Variants in ZBTB45 observed in about 807,000 individuals in gnomAD.
The protein encoded by ZBTB45 is zinc finger and BTB domain containing 45.
In ZBTB45, 22 loss-of-function variants were observed where a neutral mutation model predicts 28.4. The observed-to-expected ratio is 0.77, with a 90% CI of 0.55 to 1.10. The LOEUF is 1.10. Ranked by LOEUF, ZBTB45 falls within the 50% of genes least tolerant of loss-of-function variation. The pLI is 0.00. For synonymous variants in ZBTB45, 361 were observed against 332.3 expected (o/e 1.09, Z -0.94); for missense variants, 656 against 750.2 (o/e 0.87, Z 1.47).
At chr19:58,514,451 TATC>T in intron 2 of ZBTB45, 141 bp from the exon 3 acceptor site, 1 of 1,072,452 alleles carries the variant, frequency 9.3e-7, no homozygotes, top group Non-Finnish European at 1.3e-6. Context: ...ATCCCTTGCC[TATC>T]AGAGAACCCT....
chr19:58,517,668 C>T lies in ZBTB45; in HGVS notation c.6G>A (p.Ala2=), dbSNP rs368179740. ...GTATGTGATGCACAGCCTCTGCAGC[C>T]GCCATCTGCACAGAACAAGAGGAGG... is the stretch of plus-strand genomic sequence containing the variant. M[A]AAEAVHHIHL... Residue 2 remains alanine, a synonymous_variant, in exon 2 of 3, where the codon GCG becomes GCA. Transcript: ENST00000594051. The T allele has an allele frequency of 3.3e-5, 53 of 1,612,550 alleles. No homozygotes were observed. The highest frequency in any genetic ancestry group is 2.6e-4 in the South Asian group (24 of 91,032).
At position 58,526,068 on chromosome 19, in the gene ZBTB45, A is replaced by G. The variant is rs553717618; in HGVS notation, c.1-8395T>C. Among the ~76,000 whole-genome samples the G allele has an allele frequency of 1.4e-3, 213 of 152,216 alleles. 1 individual carries two copies. The highest frequency in any genetic ancestry group is 4.9e-3 in the African/African-American group (205 of 41,544). On this transcript the variant is annotated intron_variant, in intron 1 of 1. Transcript: ENST00000600130. ...CTTAATGAAACCCCCTCTCTACTAA[A>G]AATACAGAAATTAGCTGGGCATGGT... is the stretch of plus-strand genomic sequence containing the variant.
chr19:58,529,676 G>T (rs2122591462), intron 1 of ZBTB45, among the ~76,000 whole-genome samples: 1 of 152,184 alleles, frequency 6.6e-6, no homozygotes, highest in African/African-American at 2.4e-5. Context: ...TGTCACATAG[G>T]TATACACATG....
intron 1 of ZBTB45, among the ~76,000 whole-genome samples, chr19:58,529,177 C>T (rs2053623504): frequency 6.6e-6 from 1 of 151,796 alleles, no homozygotes; most frequent in African/African-American, 2.4e-5. Context: ...TGGTGGCTCA[C>T]ATCTGTAAGC....
chr19:58,517,516 G>GCCA lies in ZBTB45; in HGVS notation c.157_158insTGG (p.Ala52_Ala53insVal). The GCCA allele has an allele frequency of 6.2e-7, 1 of 1,613,382 alleles. No homozygotes were observed. Among genetic ancestry groups the GCCA allele is most frequent in the South Asian group, 1.1e-5 (1 of 91,080 alleles). ...CTTGTCTTGGAAGAAGGGTGAGCCG[G>GCCA]CCGCCAGCACGCAGCGGTGGGCACG... On this transcript the variant is annotated inframe_insertion, in exon 2 of 3. Transcript: ENST00000594051.
chr19:58,514,519 C>T (rs1248053537), intron 2 of ZBTB45, among the ~76,000 whole-genome samples: 1 of 152,098 alleles, frequency 6.6e-6, no homozygotes, highest in East Asian at 1.9e-4. Context: ...TCTCCAGGAC[C>T]TCCCTTCACG....
chr19:58,518,141 C>G (rs2053539286), intron 1 of ZBTB45, among the ~76,000 whole-genome samples: 1 of 152,154 alleles, frequency 6.6e-6, no homozygotes, highest in South Asian at 2.1e-4. Flanking sequence ...AGACCTTGCT[C>G]TCTACCCAGC....
At chr19:58,520,438 C>T (rs527481410), upstream of ZBTB45, among the ~76,000 whole-genome samples, 1 of 152,074 alleles carries the variant, frequency 6.6e-6, no homozygotes. Context: ...ATGGCCCCCT[C>T]CGAGATTTCC....
rs908345407 is a variant in ZBTB45, at chr19:58,515,104, C to T, written c.1280-794G>A. 1.3e-5 allele frequency among the ~76,000 whole-genome samples: 2 copies of T among 152,088 alleles called. No individual in the cohort carries two copies. The highest frequency in any genetic ancestry group is 2.9e-5 in the Non-Finnish European group (2 of 68,000). ...CTTTGGGAGGCCAAGGCAGGCAGAT[C>T]GCTTGAGGCCAGGAGTTCGAGACCA... is the stretch of plus-strand genomic sequence containing the variant. On this transcript the variant is annotated intron_variant, in intron 2 of 2. Coordinates refer to ENST00000594051, the MANE Select transcript of ZBTB45 (RefSeq NM_001316979.2). The surrounding 1 kb of genome is among the most constrained non-coding windows in gnomAD (Gnocchi z 4.7).
intron 1 of ZBTB45, among the ~76,000 whole-genome samples, chr19:58,525,124 A>AT (rs1200867409): frequency 6.6e-6 from 1 of 152,014 alleles, no homozygotes; most frequent in Admixed American, 6.6e-5. Context: ...GCTGTGCCTG[A>AT]TTCCATCTCA....
At chr19:58,524,410 T>TGTGTGTGTGTGTGTGTTC (rs1228467367), upstream of ZBTB45, among the ~76,000 whole-genome samples, 76 of 139,194 alleles carry the variant, frequency 5.5e-4, no homozygotes, top group Middle Eastern at 3.5e-3. Context: ...TATATATGTG[T>TGTGTGTGTGTGTGTGTTC]GTGTGTGTGT....
upstream of ZBTB45, among the ~76,000 whole-genome samples, chr19:58,524,679 C>G (rs1023071657): frequency 2.0e-5 from 3 of 151,754 alleles, no homozygotes; most frequent in Non-Finnish European, 2.9e-5. Flanking sequence ...GTCAGGAGAT[C>G]GAGACCATCC....
chr19:58,536,710 C>T (rs1208840469), intron 1 of ZBTB45, among the ~76,000 whole-genome samples: 1 of 152,000 alleles, frequency 6.6e-6, no homozygotes, highest in Non-Finnish European at 1.5e-5. Flanking sequence ...CAGAAAGTGG[C>T]TTTGGGGGTG....
At chr19:58,533,625 T>C (rs1283005888) in intron 1 of ZBTB45, among the ~76,000 whole-genome samples, 1 of 152,098 alleles carries the variant, frequency 6.6e-6, no homozygotes, top group Admixed American at 6.6e-5. Flanking sequence ...ACAGGAATCA[T>C]AGTGATTCCA....
chr19:58,516,507 T>A lies in ZBTB45; in HGVS notation c.1167A>T (p.Ser389=). ...APSAAPTTAP[S]GTPARTPGAE... ...CACCTGGGGTGCGAGCAGGGGTGCC[T>A]GAGGGGGCCGTGGTGGGAGCAGCAG... is the stretch of plus-strand genomic sequence containing the variant. The change falls in exon 2 of 3, where the codon TCA becomes TCT. Residue 389 remains serine (S), a synonymous_variant. Coordinates refer to ENST00000594051, the MANE Select transcript of ZBTB45 (RefSeq NM_001316979.2). This position sits in a 1 kb window ranked among gnomAD's most constrained non-coding sequence, Gnocchi z 6.2. 6.2e-7 allele frequency: 1 copy of A among 1,613,304 alleles called. No homozygotes were observed. The highest frequency in any genetic ancestry group is 8.5e-7 in the Non-Finnish European group (1 of 1,179,694).
upstream of ZBTB45, among the ~76,000 whole-genome samples, chr19:58,520,863 T>C (rs1279010047): frequency 6.6e-6 from 1 of 150,722 alleles, no homozygotes; most frequent in Non-Finnish European, 1.5e-5. Context: ...CCATCCTGAC[T>C]AACACAGTGA....
intron 1 of ZBTB45, among the ~76,000 whole-genome samples, chr19:58,537,688 G>A (rs1600073295): frequency 6.6e-6 from 1 of 151,232 alleles, no homozygotes; most frequent in East Asian, 2.0e-4. Context: ...TTGTACCATA[G>A]TATTAATATT....
Position 58,516,607 on chromosome 19 carries a change from G to A in ZBTB45, c.1067C>T (p.Pro356Leu), listed in dbSNP as rs781433352. 8 of 1,561,258 alleles carry A rather than the reference G, an allele frequency of 5.1e-6. No individual in the cohort carries two copies. The highest frequency in any genetic ancestry group is 1.2e-5 in the South Asian group (1 of 82,902). ...PSAPSGPAPA[P>L]PPAFYPTLQP... is the part of the protein sequence containing the mutation. Reference sequence around the variant, plus strand: ...GAGTGTGGGGTAGAAGGCGGGTGGGGGCGCAGGGGCTGGCCCCGATGGTGC... The same window carrying A: ...GAGTGTGGGGTAGAAGGCGGGTGGGAGCGCAGGGGCTGGCCCCGATGGTGC... The change falls in exon 2 of 3, where the codon CCC (proline) becomes CTC (leucine). Residue 356 changes from proline (P) to leucine (L), a missense_variant. Around this residue, in one of 3 missense-constraint regions of ZBTB45, gnomAD observed 448 missense variants for 444.3 expected, o/e 1.01. Transcript: ENST00000594051. The surrounding 1 kb of genome is among the most constrained non-coding windows in gnomAD (Gnocchi z 6.2).
chr19:58,534,047 T>TAC (rs1259005980), intron 1 of ZBTB45, among the ~76,000 whole-genome samples: 1 of 152,224 alleles, frequency 6.6e-6, no homozygotes, highest in Non-Finnish European at 1.5e-5. Flanking sequence ...GGGCGTCAGC[T>TAC]ACAAGGGACA....
Sources: gnomAD v4.1 joint callset for allele counts (sites outside exome capture counted in the v4.1 genomes callset) on GRCh38, gnomAD v4.1.1 for gene constraint, gnomAD v4.1.1 regional missense constraint, Gnocchi (gnomAD v3.1) non-coding constraint, MANE v1.5 for transcripts, NCBI Gene and HGNC (gene_info 2026-07-23, HGNC 2026-07-21) for gene names.